The following VAPA variants were observed in gnomAD, a reference collection of about 807,000 sequenced individuals.
VAPA encodes VAMP associated protein A, also known as vesicle-associated membrane protein-associated protein A.
VAPA carries 6 observed loss-of-function variants against 25.6 expected under a neutral mutation model. The observed-to-expected ratio is 0.23, with a 90% CI of 0.13 to 0.46. The LOEUF (loss-of-function observed/expected upper bound fraction) is 0.46. Ranked by LOEUF, VAPA falls within the 20% of genes least tolerant of loss-of-function variation. The probability of loss-of-function intolerance (pLI) is 0.99; values close to 1 mark genes in which losing one functional copy is unlikely to be tolerated. For missense variants in VAPA, 244 were observed against 302.1 expected, an observed-to-expected ratio of 0.81 and a Z score of 1.43; for synonymous variants, 112 against 106.2, an observed-to-expected ratio of 1.05 and a Z score of -0.34.
chr18:9,922,513 G>C (rs1416832212), intron 1 of VAPA, among the ~76,000 whole-genome samples: 2 of 152,036 alleles, frequency 1.3e-5, no homozygotes, highest in African/African-American at 4.8e-5. Flanking sequence ...AGGTATACCT[G>C]GTCTCACAGG....
At chr18:9,927,455 A>G (rs915127862) in intron 1 of VAPA, among the ~76,000 whole-genome samples, 3 of 151,570 alleles carry the variant, frequency 2.0e-5, no homozygotes, top group Non-Finnish European at 4.4e-5. Context: ...AACAGTTTTT[A>G]AGAACTGTTA....
intron 4 of VAPA, among the ~76,000 whole-genome samples, chr18:9,940,140 CCTTT>C (rs1018716160): frequency 1.3e-5 from 2 of 152,166 alleles, no homozygotes; most frequent in South Asian, 2.1e-4. Flanking sequence ...CACCTTCCAT[CCTTT>C]CTTTCTTCCC....
At chr18:9,950,762 T>G in intron 5 of VAPA, 194 bp downstream of exon 5, 1 of 558,516 alleles carries the variant, frequency 1.8e-6, no homozygotes, top group South Asian at 2.1e-5. Flanking sequence ...GCAAGTTCCT[T>G]ACTTTAGCAC....
At chr18:9,950,071 C>T (rs1016794830) in intron 4 of VAPA, 1 of 231,246 alleles carries the variant, frequency 4.3e-6, no homozygotes, top group Non-Finnish European at 8.5e-6. Context: ...TGAATAACTA[C>T]TCTTGACCAA....
chr18:9,945,994 G>A (rs987856111), intron 4 of VAPA, among the ~76,000 whole-genome samples: 1 of 152,114 alleles, frequency 6.6e-6, no homozygotes, highest in Non-Finnish European at 1.5e-5. Flanking sequence ...CCTGTTAGTT[G>A]TAAGAATGTA....
rs749129285 is a variant in VAPA at position 9,958,195 on chromosome 18, G to T, written c.*3984G>T. The T allele has an allele frequency of 1.3e-5, 2 of 152,074 alleles. No individual in the cohort carries two copies. Among genetic ancestry groups the T allele is most frequent in the Non-Finnish European group, 2.9e-5 (2 of 68,006 alleles). 9.4% of individuals were successfully genotyped at this position (152,074 alleles called of 1,614,324 possible). A position where few individuals can be genotyped will look rare whatever the true frequency, so the allele number is the denominator to read the frequency against. On this transcript the variant is annotated 3_prime_UTR_variant, in exon 6 of 6. Transcript: ENST00000400000. ...ATAAGTTGTATCCTATTTTTTTCCA[G>T]CTTAATTTCTGTGGTTTATTGAAAA...
intron 3 of VAPA, 74 bp from the exon 4 acceptor site, chr18:9,936,912 C>A: frequency 7.7e-7 from 1 of 1,304,072 alleles, no homozygotes; most frequent in Non-Finnish European, 1.1e-6. Flanking sequence ...CATCTTTTAG[C>A]TGTCCCGTGA....
chr18:9,936,393 A>AT (rs1239713384), intron 3 of VAPA, 180 bp downstream of exon 3: 309 of 425,176 alleles, frequency 7.3e-4, no homozygotes, highest in South Asian at 8.3e-4. Flanking sequence ...TTTAAATAGT[A>AT]TTTTTTTTTA....
chr18:9,934,196 A>C (rs2069285137), intron 2 of VAPA, among the ~76,000 whole-genome samples: 1 of 152,174 alleles, frequency 6.6e-6, no homozygotes, highest in Admixed American at 6.5e-5. Flanking sequence ...TCTGTACTAC[A>C]TGCTCATTTC....
At chr18:9,921,182 G>C (rs2069153987) in intron 1 of VAPA, among the ~76,000 whole-genome samples, 1 of 152,100 alleles carries the variant, frequency 6.6e-6, no homozygotes, top group Non-Finnish European at 1.5e-5. Flanking sequence ...TTTATTTTTT[G>C]GTCTTGGATC....
At chr18:9,922,005 G>T (rs1246659238) in intron 1 of VAPA, among the ~76,000 whole-genome samples, 3 of 151,770 alleles carry the variant, frequency 2.0e-5, no homozygotes, top group African/African-American at 4.8e-5. Context: ...TTTTGCAGCG[G>T]TCTCACTCTG....
chr18:9,936,238 T>A lies in VAPA; in HGVS notation c.336+25T>A, dbSNP rs775982090. 2.7e-6 allele frequency: 4 copies of A among 1,507,018 alleles called. No individual in the cohort carries two copies. The South Asian group carries it at 5.3e-5, about 20-fold the overall frequency. The allele number at this position is 1,507,018 out of a possible 1,614,324, so 93.4% of individuals were successfully genotyped here. ...GGTAAGTATAGAAGAAGAATTTGTTTTGGGAAGTGGAGTTTAAACTGTGGG... is the reference window on the plus strand; with the variant it reads ...GGTAAGTATAGAAGAAGAATTTGTTATGGGAAGTGGAGTTTAAACTGTGGG... On this transcript the variant is annotated intron_variant, in intron 3 of 5. Transcript: ENST00000400000.
rs909524220 is a variant in VAPA, at chr18:9,950,234, G to C, written c.418-161G>C. 6.2e-6 allele frequency: 4 copies of C among 643,552 alleles called. No individual in the cohort carries two copies. The African/African-American group carries it at 7.4e-5, about 12-fold the overall frequency. 39.9% of individuals were successfully genotyped at this position (643,552 alleles called of 1,614,324 possible). A position where few individuals can be genotyped will look rare whatever the true frequency, so the allele number is the denominator to read the frequency against. ...GCCAGGGATTATGGGAATAGAGGGA[G>C]TGGGCTGGTTATTTAGACTAATCTG... On this transcript the variant is annotated intron_variant, in intron 4 of 5. Coordinates refer to ENST00000400000, the MANE Select transcript of VAPA (RefSeq NM_194434.3).
intron 4 of VAPA, among the ~76,000 whole-genome samples, chr18:9,942,335 G>A (rs1834176850): frequency 1.3e-5 from 2 of 152,162 alleles, no homozygotes; most frequent in Non-Finnish European, 2.9e-5. Context: ...AGAAAAATTT[G>A]GTTAGTGTTC....
chr18:9,943,840 C>A (rs1380295396), intron 4 of VAPA, among the ~76,000 whole-genome samples: 3 of 90,444 alleles, frequency 3.3e-5, no homozygotes, highest in African/African-American at 1.1e-4. Context: ...GACATATTTC[C>A]CTTTTTTTTT....
chr18:9,937,075 G>A lies in VAPA; in HGVS notation c.417+9G>A, dbSNP rs768071220. ...ATGAAAATGATAAATTGGTAAGTAG[G>A]AGAATGTAAAAAAAATTGGGAGCTG... On this transcript the variant is annotated intron_variant, in intron 4 of 5. Coordinates refer to ENST00000400000, the MANE Select transcript of VAPA (RefSeq NM_194434.3). The A allele has an allele frequency of 1.2e-5, 20 of 1,611,336 alleles. No homozygotes were observed. The South Asian group carries it at 2.1e-4, about 17-fold the overall frequency.
In VAPA at chr18:9,950,474, C is replaced by T. The variant is rs1291324047; in HGVS notation, c.497C>T (p.Ser166Leu). ...DGPMPKPHSV[S>L]LNDTETRKLM... is the part of the protein sequence containing the mutation. Reference sequence around the variant, plus strand: ...CCTATGCCAAAACCACACAGTGTTTCACTTAATGATACCGAAACAAGGAAA... The same window carrying T: ...CCTATGCCAAAACCACACAGTGTTTTACTTAATGATACCGAAACAAGGAAA... The change falls in exon 5 of 6, where the codon TCA becomes TTA. Residue 166 changes from serine (S) to leucine (L), a missense_variant. Physicochemically the swap from Ser to Leu is moderately radical, Grantham distance 145. Transcript: ENST00000400000. The T allele has an allele frequency of 6.2e-7, 1 of 1,613,970 alleles. No homozygotes were observed. Among genetic ancestry groups the T allele is most frequent in the Non-Finnish European group, 8.5e-7 (1 of 1,180,008 alleles).
At chr18:9,929,956 CTATCTG>C (rs1393414716) in intron 1 of VAPA, among the ~76,000 whole-genome samples, 1 of 152,092 alleles carries the variant, frequency 6.6e-6, no homozygotes, top group Non-Finnish European at 1.5e-5. Flanking sequence ...AGAAAGCCCA[CTATCTG>C]TATTGACAAT....
intron 2 of VAPA, among the ~76,000 whole-genome samples, chr18:9,932,378 A>T (rs1028277736): frequency 3.3e-5 from 5 of 152,190 alleles, no homozygotes; most frequent in Admixed American, 6.5e-5. Flanking sequence ...TTTTTTGCCT[A>T]CTGTGTCAAA....
Sources: allele counts gnomAD v4.1 joint callset (sites outside exome capture counted in the v4.1 genomes callset), GRCh38; gene constraint gnomAD v4.1.1; transcripts MANE v1.5; gene names NCBI Gene and HGNC (gene_info 2026-07-23, HGNC 2026-07-21).